The following ZNRF3 variants were observed in gnomAD, a reference collection of about 807,000 sequenced individuals.
ZNRF3 encodes E3 ubiquitin-protein ligase ZNRF3.
ZNRF3 carries 23 observed loss-of-function variants against 72.5 expected under a neutral mutation model. That is an observed-to-expected ratio of 0.32 (90% CI 0.23 to 0.45). The LOEUF is 0.45. Among genes scored for constraint, ZNRF3 ranks in the 20% least tolerant of loss-of-function variants. ZNRF3 has a pLI of 1.00. For synonymous variants in ZNRF3, 610 were observed against 545.3 expected (o/e 1.12, Z -1.65); for missense variants, 1,169 against 1,272.1 (o/e 0.92, Z 1.23).
intron 1 of ZNRF3, among the ~76,000 whole-genome samples, chr22:28,914,411 T>C (rs1312586817): frequency 3.9e-5 from 6 of 151,930 alleles, no homozygotes; most frequent in Non-Finnish European, 7.4e-5. Context: ...ATATCCCCCA[T>C]TGAGATGCTA....
At chr22:28,966,113 C>T (rs1316674697) in intron 1 of ZNRF3, among the ~76,000 whole-genome samples, 2 of 152,214 alleles carry the variant, frequency 1.3e-5, no homozygotes, top group African/African-American at 2.4e-5. Flanking sequence ...CTCCTGTCTA[C>T]TTTCAGATAG....
At chr22:28,984,763 A>G (rs548873754) in intron 1 of ZNRF3, among the ~76,000 whole-genome samples, 1 of 152,316 alleles carries the variant, frequency 6.6e-6, no homozygotes, top group South Asian at 2.1e-4. Context: ...TGGAGGTCTC[A>G]GCATTTCAGA....
At chr22:28,963,146 G>C (rs75434226) in intron 1 of ZNRF3, among the ~76,000 whole-genome samples, 1,651 of 152,324 alleles carry the variant, frequency 0.011, 41 homozygotes, top group African/African-American at 0.038. Flanking sequence ...AGTTGGGTGG[G>C]ACTGGAGCTA....
rs574553211 is a variant in ZNRF3, at chr22:28,926,012, C to T, written c.300+41946C>T. Among the ~76,000 whole-genome samples, 11 of 152,314 alleles carry T rather than the reference C, an allele frequency of 7.2e-5. No homozygotes were observed. The South Asian group carries it at 2.3e-3, about 32-fold the overall frequency. On this transcript the variant is annotated intron_variant, in intron 1 of 8. Transcript: ENST00000544604. ...GCCCTAGAGATCTTGCGTCTTTGTT[C>T]AGACACTCAAGGGAGAACCCAGGAA...
intron 3 of ZNRF3, 78 bp from the exon 4 acceptor site, chr22:29,043,221 T>G: frequency 2.3e-5 from 35 of 1,501,956 alleles, no homozygotes; most frequent in Non-Finnish European, 3.0e-5. Context: ...CAGTGTTCCT[T>G]CCCTCCAGCC....
chr22:29,026,827 T>C (rs956505807), intron 2 of ZNRF3: 6 of 152,200 alleles, frequency 3.9e-5, no homozygotes, highest in Admixed American at 3.9e-4. Flanking sequence ...GGCTTTTGAT[T>C]GTGAGGGACC....
intron 1 of ZNRF3, among the ~76,000 whole-genome samples, chr22:28,930,901 G>C (rs2034694495): frequency 6.6e-6 from 1 of 152,190 alleles, no homozygotes; most frequent in African/African-American, 2.4e-5. Flanking sequence ...CACATCACAT[G>C]GCTGGGTCTT....
intron 2 of ZNRF3, chr22:28,992,701 C>G (rs905543155): frequency 2.6e-5 from 4 of 152,220 alleles, no homozygotes; most frequent in Non-Finnish European, 4.4e-5. Flanking sequence ...CATAGCAGGC[C>G]CCTGCAGTCA....
chr22:28,987,010 A>C (rs1420427495), intron 1 of ZNRF3, 66 bp from the exon 2 acceptor site: 58 of 1,544,024 alleles, frequency 3.8e-5, no homozygotes, highest in Non-Finnish European at 5.0e-5. Flanking sequence ...TCTGAGAAAT[A>C]CACAATATGA....
chr22:29,045,362 C>CAAA (rs59285656), intron 5 of ZNRF3, among the ~76,000 whole-genome samples: 1,117 of 97,532 alleles, frequency 0.011, 18 homozygotes, highest in African/African-American at 0.042. Flanking sequence ...CCCTGTCTCA[C>CAAA]AAAAAAAAAA....
At chr22:28,946,305 G>A (rs916244994) in intron 1 of ZNRF3, among the ~76,000 whole-genome samples, 9 of 152,184 alleles carry the variant, frequency 5.9e-5, no homozygotes, top group African/African-American at 2.2e-4. Context: ...TCTTCTTGTT[G>A]TTGTTAGAAT....
chr22:28,993,576 G>C (rs2035992429), intron 2 of ZNRF3, among the ~76,000 whole-genome samples: 2 of 152,212 alleles, frequency 1.3e-5, no homozygotes, highest in South Asian at 2.1e-4. Flanking sequence ...CCAGAAGACA[G>C]AGAACCGAGT....
chr22:29,050,915 C>A lies in ZNRF3; in HGVS notation c.2734C>A (p.Gln912Lys), dbSNP rs199737518. ...CTTCCCTAGTGCCCTCCAGGACACT[C>A]AGGAGTCCAGCACCACTGCCACTGA... ...ANFPSALQDT[Q>K]ESSTTATEAA... The change falls in exon 8 of 9, where the codon CAG becomes AAG. Residue 912 changes from glutamine (Q) to lysine (K), a missense_variant. By Grantham distance (53) the Gln-to-Lys change is moderately conservative. Coordinates refer to ENST00000544604, the MANE Select transcript of ZNRF3 (RefSeq NM_001206998.2). 1,559 of 1,545,838 alleles carry A rather than the reference C, an allele frequency of 1.0e-3. 3 individuals carry two copies. Among genetic ancestry groups the A allele is most frequent in the Non-Finnish European group, 1.3e-3 (1,458 of 1,154,670 alleles).
intron 1 of ZNRF3, among the ~76,000 whole-genome samples, chr22:28,973,471 G>A (rs573760449): frequency 7.3e-4 from 111 of 152,134 alleles, no homozygotes; most frequent in Non-Finnish European, 1.4e-3. Context: ...GGCAGGATCA[G>A]GACTGCCCTT....
intron 1 of ZNRF3, among the ~76,000 whole-genome samples, chr22:28,903,448 G>C (rs751728893): frequency 1.3e-5 from 2 of 152,198 alleles, no homozygotes; most frequent in Non-Finnish European, 2.9e-5. Flanking sequence ...TGACTTCAGC[G>C]CTTGGTTTGA....
rs35578297 is a variant in ZNRF3, at chr22:28,944,754, C to CA, written c.301-42303dup. ...TAGGTGACAAAGCGAGACTCCATCT[C>CA]AAAAAAAAAAAAAAAAAAAGATTAG... On this transcript the variant is annotated intron_variant, in intron 1 of 8. Coordinates refer to ENST00000544604, the MANE Select transcript of ZNRF3 (RefSeq NM_001206998.2). Among the ~76,000 whole-genome samples the CA allele has an allele frequency of 2.8e-3, 245 of 88,172 alleles. 3 individuals are homozygous for CA. Among genetic ancestry groups the CA allele is most frequent in the African/African-American group, 7.2e-3 (161 of 22,246 alleles). 57.8% of individuals were successfully genotyped at this position (88,172 alleles called of 152,430 possible).
intron 2 of ZNRF3, among the ~76,000 whole-genome samples, chr22:29,039,897 TG>T (rs1308659597): frequency 6.6e-6 from 1 of 151,768 alleles, no homozygotes; most frequent in Non-Finnish European, 1.5e-5. Flanking sequence ...AGTTTGAGGC[TG>T]CAGTGAGCTA....
chr22:29,015,914 G>C (rs1339449200), intron 2 of ZNRF3, among the ~76,000 whole-genome samples: 2 of 151,546 alleles, frequency 1.3e-5, no homozygotes, highest in Non-Finnish European at 2.9e-5. Flanking sequence ...TACTCAGGAG[G>C]CTGAGGAAGG....
At chr22:29,010,583 C>A (rs78313756) in intron 2 of ZNRF3, among the ~76,000 whole-genome samples, 1,695 of 152,148 alleles carry the variant, frequency 0.011, 35 homozygotes, top group African/African-American at 0.039. Flanking sequence ...GATCCCTTAC[C>A]TGATATACAT....
Sources: allele counts gnomAD v4.1 joint callset (sites outside exome capture counted in the v4.1 genomes callset), GRCh38; gene constraint gnomAD v4.1.1; transcripts MANE v1.5; gene names NCBI Gene and HGNC (gene_info 2026-07-23, HGNC 2026-07-21).